The following PRTFDC1 variants were observed in gnomAD, a reference collection of about 807,000 sequenced individuals.
PRTFDC1 encodes the protein phosphoribosyl transferase domain containing 1, also known as phosphoribosyltransferase domain-containing protein 1.
In PRTFDC1, 38 loss-of-function variants were observed where a neutral mutation model predicts 34.6. The ratio of observed to expected loss-of-function variants is 1.10; its 90% CI spans 0.85 to 1.44. The LOEUF is 1.44. Ranked by LOEUF, PRTFDC1 falls within the 40% of genes most tolerant of loss-of-function variation. The probability of loss-of-function intolerance (pLI) is 0.00; values close to 1 mark genes in which losing one functional copy is unlikely to be tolerated. For missense variants in PRTFDC1, 270 were observed against 283.0 expected, an observed-to-expected ratio of 0.95 and a Z score of 0.33; for synonymous variants, 93 against 98.1, an observed-to-expected ratio of 0.95 and a Z score of 0.31.
chr10:24,949,736 TTTA>T (rs1849308663), intron 1 of PRTFDC1, among the ~76,000 whole-genome samples: 1 of 67,088 alleles, frequency 1.5e-5, no homozygotes, highest in African/African-American at 3.5e-5. Context: ...TATTTATTTA[TTTA>T]TTTTTTTTTT....
chr10:24,873,033 C>T (rs936302949), intron 3 of PRTFDC1, among the ~76,000 whole-genome samples: 2 of 151,436 alleles, frequency 1.3e-5, no homozygotes, highest in Non-Finnish European at 2.9e-5. Flanking sequence ...GCTATGTTGT[C>T]CAGACTGGTC....
chr10:24,944,457 C>G (rs1169967503), intron 1 of PRTFDC1, among the ~76,000 whole-genome samples: 1 of 152,170 alleles, frequency 6.6e-6, no homozygotes, highest in Non-Finnish European at 1.5e-5. Context: ...ACTTTGCAGC[C>G]CCTCCACATG....
chr10:24,929,598 T>C (rs1848940305), intron 3 of PRTFDC1, among the ~76,000 whole-genome samples: 1 of 152,198 alleles, frequency 6.6e-6, no homozygotes, highest in Non-Finnish European at 1.5e-5. Context: ...TTGAAGATTG[T>C]ATTTTGTACA....
intron 1 of PRTFDC1, among the ~76,000 whole-genome samples, chr10:24,951,992 A>T (rs1373022130): frequency 6.6e-6 from 1 of 152,234 alleles, no homozygotes; most frequent in Admixed American, 6.5e-5. Flanking sequence ...GCTCCTGCAG[A>T]GGCCTCCACT....
chr10:24,896,207 T>C (rs959392253), intron 3 of PRTFDC1, among the ~76,000 whole-genome samples: 1 of 152,216 alleles, frequency 6.6e-6, no homozygotes, highest in African/African-American at 2.4e-5. Flanking sequence ...CATTACTGCC[T>C]GAGCTCTGCC....
At chr10:24,890,653 T>C (rs1848244707) in intron 3 of PRTFDC1, among the ~76,000 whole-genome samples, 1 of 152,232 alleles carries the variant, frequency 6.6e-6, no homozygotes, top group Non-Finnish European at 1.5e-5. Context: ...GAGGGCTATA[T>C]GAACTCTGTT....
chr10:24,864,013 CA>C (rs71399939), intron 4 of PRTFDC1, among the ~76,000 whole-genome samples: 60,109 of 105,358 alleles, frequency 0.57, 14,844 homozygotes, highest in Middle Eastern at 0.69. Context: ...CAACTCGTCT[CA>C]AAAAAAAAAA....
chr10:24,952,385 G>A lies in PRTFDC1; in HGVS notation c.48+143C>T, dbSNP rs1033657179. On this transcript the variant is annotated intron_variant, in intron 1 of 8. Transcript: ENST00000320152. The surrounding 1 kb of genome is among the most constrained non-coding windows in gnomAD (Gnocchi z 5.1). Reference sequence around the variant, plus strand: ...CGGGGAGAGGAGGCCCGGGTCCGAGGATGGAAGCGATCCCCGCCGGGAGGG... The same window carrying A: ...CGGGGAGAGGAGGCCCGGGTCCGAGAATGGAAGCGATCCCCGCCGGGAGGG... The A allele has an allele frequency of 2.9e-4, 277 of 950,192 alleles. No homozygotes were observed. The highest frequency in any genetic ancestry group is 4.3e-4 in the Non-Finnish European group (267 of 615,832). 58.9% of individuals were successfully genotyped at this position (950,192 alleles called of 1,614,324 possible).
chr10:24,950,728 A>G (rs1399320905), intron 1 of PRTFDC1, among the ~76,000 whole-genome samples: 1 of 151,662 alleles, frequency 6.6e-6, no homozygotes, highest in African/African-American at 2.4e-5. Context: ...CGGTTCCTTC[A>G]ACCAGCTTCT....
intron 3 of PRTFDC1, among the ~76,000 whole-genome samples, chr10:24,879,065 A>T (rs538325114): frequency 1.1e-3 from 174 of 152,352 alleles, no homozygotes; most frequent in Non-Finnish European, 2.3e-3. Flanking sequence ...ATCAAGCTGG[A>T]GAGCTCCTAA....
intron 3 of PRTFDC1, among the ~76,000 whole-genome samples, chr10:24,884,488 A>T (rs1848131751): frequency 6.6e-6 from 1 of 152,222 alleles, no homozygotes; most frequent in Non-Finnish European, 1.5e-5. Flanking sequence ...TGCCTGCAAA[A>T]GTCTGGTTTT....
chr10:24,904,085 A>G (rs1008459968), intron 3 of PRTFDC1, among the ~76,000 whole-genome samples: 1 of 152,142 alleles, frequency 6.6e-6, no homozygotes, highest in African/African-American at 2.4e-5. Flanking sequence ...TCTAAACTGT[A>G]AACTGAAAAT....
chr10:24,849,770 C>T lies in PRTFDC1; in HGVS notation c.*74G>A, dbSNP rs186453343. ...GAGTGAAGATGCCTGGGGGGACAAA[C>T]TTGACAGCTGGCTTCCCAAGTACAG... On this transcript the variant is annotated 3_prime_UTR_variant, in exon 9 of 9. Transcript: ENST00000320152. The T allele has an allele frequency of 5.4e-5, 80 of 1,484,096 alleles. No homozygotes were observed. In the African/African-American group the frequency reaches 9.5e-4, roughly 18 times the overall value. The allele number at this position is 1,484,096 out of a possible 1,614,324, so 91.9% of individuals were successfully genotyped here.
intron 3 of PRTFDC1, among the ~76,000 whole-genome samples, chr10:24,898,166 T>C (rs927820): frequency 0.68 from 102,460 of 151,406 alleles, 35,136 homozygotes; most frequent in African/African-American, 0.8. Context: ...AAAGAAGAGC[T>C]GAGGCTGTGC....
At position 24,849,254 on chromosome 10, in the gene PRTFDC1, A is replaced by T. The variant is rs1847441579; in HGVS notation, c.*590T>A. 6.5e-6 allele frequency: 1 copy of T among 152,762 alleles called. No individual in the cohort carries two copies. Among genetic ancestry groups the T allele is most frequent in the South Asian group, 2.1e-4 (1 of 4,834 alleles). 9.5% of individuals were successfully genotyped at this position (152,762 alleles called of 1,614,324 possible). On this transcript the variant is annotated 3_prime_UTR_variant, in exon 9 of 9. Coordinates refer to ENST00000320152, the MANE Select transcript of PRTFDC1 (RefSeq NM_020200.7). ...AAGCTCGTTTCATAACATCATTAAG[A>T]TTCATTGTACACTGCGTTTCAGAAA...
intron 4 of PRTFDC1, among the ~76,000 whole-genome samples, chr10:24,864,852 A>G (rs1211717575): frequency 6.6e-6 from 1 of 152,162 alleles, no homozygotes; most frequent in Non-Finnish European, 1.5e-5. Flanking sequence ...GCGATGGCTC[A>G]CACCTGTAAT....
intron 3 of PRTFDC1, among the ~76,000 whole-genome samples, chr10:24,877,821 A>G (rs1424272700): frequency 6.6e-6 from 1 of 152,060 alleles, no homozygotes; most frequent in Non-Finnish European, 1.5e-5. Flanking sequence ...GCGTTTCGCC[A>G]TGTTGGTCAG....
chr10:24,934,986 C>T (rs1023608563), intron 3 of PRTFDC1, among the ~76,000 whole-genome samples: 1 of 152,138 alleles, frequency 6.6e-6, no homozygotes, highest in Non-Finnish European at 1.5e-5. Context: ...ATCTGTAAGA[C>T]ATTCTGGAAA....
chr10:24,880,185 A>G (rs1848041942), intron 3 of PRTFDC1, among the ~76,000 whole-genome samples: 1 of 152,186 alleles, frequency 6.6e-6, no homozygotes, highest in East Asian at 1.9e-4. Flanking sequence ...CTGGTATTTT[A>G]TAATAAATAG....
Sources: gnomAD v4.1 joint callset for allele counts (sites outside exome capture counted in the v4.1 genomes callset) on GRCh38, gnomAD v4.1.1 for gene constraint, Gnocchi (gnomAD v3.1) non-coding constraint, MANE v1.5 for transcripts, NCBI Gene and HGNC (gene_info 2026-07-23, HGNC 2026-07-21) for gene names.